The following NUP214 variants were observed in gnomAD, a reference collection of about 807,000 sequenced individuals.
The protein encoded by NUP214 is nucleoporin 214, also known as nuclear pore complex protein Nup214.
A neutral mutation model predicts 196.2 loss-of-function variants in NUP214; 79 were observed. The observed-to-expected ratio is 0.40, with a 90% CI of 0.34 to 0.49. The LOEUF (loss-of-function observed/expected upper bound fraction) is 0.49, where lower values mean the gene tolerates loss of function less well. NUP214 is among the 20% of genes least tolerant of loss of function. NUP214 has a pLI of 0.58. For synonymous variants in NUP214, 1,020 were observed against 990.5 expected, an observed-to-expected ratio of 1.03 and a Z score of -0.56; for missense variants, 2,468 against 2,539.0, an observed-to-expected ratio of 0.97 and a Z score of 0.60.
intron 6 of NUP214, 132 bp from the exon 7 acceptor site, chr9:131,132,974 T>C: frequency 1.4e-6 from 1 of 733,072 alleles, no homozygotes; most frequent in Non-Finnish European, 2.3e-6. Context: ...ACCTGTGCAT[T>C]ATATTTAGTC....
rs775513589 is a variant in NUP214, at chr9:131,139,384, CA to C, written c.1112del (p.Asn371ThrfsTer33). 1 of 1,597,154 alleles carries C rather than the reference CA, an allele frequency of 6.3e-7. No individual in the cohort carries two copies. Among genetic ancestry groups the C allele is most frequent in the African/African-American group, 1.4e-5 (1 of 73,614 alleles). On this transcript the variant is annotated frameshift_variant, in exon 10 of 36. Transcript: ENST00000359428. LOFTEE classifies it high-confidence loss of function. The part of the protein sequence containing the change: ...SLPMGVVVDY[T>X]NQVEITISDE... ...CCCATGGGAGTTGTCGTAGACTATACAAACCAAGTGGAAATCACCATCAGTA... is the reference window on the plus strand; with the variant it reads ...CCCATGGGAGTTGTCGTAGACTATACAACCAAGTGGAAATCACCATCAGTA...
chr9:131,144,202 C>A (rs543561811), intron 11 of NUP214, 78 bp from the exon 12 acceptor site: 1 of 1,156,646 alleles, frequency 8.6e-7, no homozygotes, highest in Admixed American at 2.2e-5. Flanking sequence ...ACCACAAATT[C>A]TTTTTCACTT....
At chr9:131,129,089 A>C (rs766101224) in intron 3 of NUP214, among the ~76,000 whole-genome samples, 190 bp from the exon 4 acceptor site, 1 of 152,210 alleles carries the variant, frequency 6.6e-6, no homozygotes, top group Non-Finnish European at 1.5e-5. Context: ...ATTGATTGCC[A>C]TTTTCAAAGT....
At chr9:131,206,436 G>C (rs1453591789) in intron 30 of NUP214, among the ~76,000 whole-genome samples, 1 of 151,628 alleles carries the variant, frequency 6.6e-6, no homozygotes, top group African/African-American at 2.4e-5. Context: ...ATGAGCCACT[G>C]TGCCCAACCC....
intron 21 of NUP214, among the ~76,000 whole-genome samples, chr9:131,169,958 A>G (rs1832906974): frequency 6.6e-6 from 1 of 152,186 alleles, no homozygotes. Flanking sequence ...AGAGTAGTCA[A>G]AACTATAGAG....
Position 131,197,772 on chromosome 9 carries a change from T to C in NUP214, c.4278T>C (p.Ser1426=), listed in dbSNP as rs988751753. Residue 1426 remains serine (S), a synonymous_variant, in exon 29 of 36, where the codon AGT becomes AGC. Transcript: ENST00000359428. ...VTSAGSSGVI[S]FGGTSLSAGK... ...GTGCAGGATCCTCTGGGGTCATCAG[T>C]TTTGGTGGGACATCTCTAAGTGCTG... 6.2e-7 allele frequency: 1 copy of C among 1,614,180 alleles called. No homozygotes were observed. The highest frequency in any genetic ancestry group is 8.5e-7 in the Non-Finnish European group (1 of 1,180,024).
At chr9:131,163,508 T>C (rs886298008) in intron 19 of NUP214, among the ~76,000 whole-genome samples, 1 of 152,208 alleles carries the variant, frequency 6.6e-6, no homozygotes, top group Non-Finnish European at 1.5e-5. Context: ...TTGACTGACT[T>C]GTTTCTGAAG....
chr9:131,141,843 T>C (rs900585828), intron 11 of NUP214: 1 of 152,208 alleles, frequency 6.6e-6, no homozygotes, highest in African/African-American at 2.4e-5. Flanking sequence ...ATATTTCTCT[T>C]TTTGAATTCT....
intron 30 of NUP214, among the ~76,000 whole-genome samples, chr9:131,202,440 TG>T (rs1243589689): frequency 6.6e-6 from 1 of 152,196 alleles, no homozygotes; most frequent in African/African-American, 2.4e-5. Context: ...TTTTTGTTTT[TG>T]GAGGCAGAGT....
At chr9:131,184,188 A>G (rs1833383252) in intron 24 of NUP214, among the ~76,000 whole-genome samples, 2 of 151,182 alleles carry the variant, frequency 1.3e-5, no homozygotes, top group African/African-American at 4.9e-5. Context: ...GCACCAGCAC[A>G]GCCGGCTAAT....
At chr9:131,212,354 C>G (rs1349425475) in intron 30 of NUP214, among the ~76,000 whole-genome samples, 1 of 152,144 alleles carries the variant, frequency 6.6e-6, no homozygotes, top group Non-Finnish European at 1.5e-5. Flanking sequence ...TTTTATTGCC[C>G]TTGAAGCATG....
At chr9:131,156,915 T>C (rs1832468402) in intron 17 of NUP214, among the ~76,000 whole-genome samples, 1 of 152,204 alleles carries the variant, frequency 6.6e-6, no homozygotes, top group African/African-American at 2.4e-5. Context: ...TTTCCTAGTG[T>C]ATAGCACATT....
chr9:131,184,026 CTTTTTT>C (rs776765956), intron 24 of NUP214, among the ~76,000 whole-genome samples: 1 of 104,360 alleles, frequency 9.6e-6, no homozygotes, highest in Non-Finnish European at 1.9e-5. Flanking sequence ...TTTTCTTTTT[CTTTTTT>C]TTTTTTTTTT....
In NUP214 at chr9:131,176,272, G is replaced by C. The variant is rs1030153232; in HGVS notation, c.3319+651G>C. On this transcript the variant is annotated intron_variant, in intron 23 of 35. Transcript: ENST00000359428. ...AGCAGAACCCAGACTCTAACCCTCT[G>C]CTCTTTTTCAGTTGAGCATTTTTTC... Among the ~76,000 whole-genome samples, 20 of 152,022 alleles carry C rather than the reference G, an allele frequency of 1.3e-4. No homozygotes were observed. In the East Asian group the frequency reaches 2.1e-3, roughly 16 times the overall value.
chr9:131,198,625 C>T lies in NUP214; in HGVS notation c.5131C>T (p.Pro1711Ser), dbSNP rs901901840. The T allele has an allele frequency of 6.2e-7, 1 of 1,614,126 alleles. No homozygotes were observed. Among genetic ancestry groups the T allele is most frequent in the African/African-American group, 1.3e-5 (1 of 74,950 alleles). Reference sequence around the variant, plus strand: ...GGTCAGCAGCTCAGGGTTTAGCAGCCCAGCTTTTGGTACCACAGCCCCAGG... The same window carrying T: ...GGTCAGCAGCTCAGGGTTTAGCAGCTCAGCTTTTGGTACCACAGCCCCAGG... ...PQVSSSGFSS[P>S]AFGTTAPGVF... The change falls in exon 29 of 36, where the codon CCA becomes TCA. Residue 1711 changes from proline to serine, a missense_variant. Pro to Ser is a moderately conservative substitution (Grantham distance 74). Coordinates refer to ENST00000359428, the MANE Select transcript of NUP214 (RefSeq NM_005085.4).
At chr9:131,144,879 T>A in intron 12 of NUP214, 125 bp downstream of exon 12, 1 of 709,284 alleles carries the variant, frequency 1.4e-6, no homozygotes, top group Non-Finnish European at 2.3e-6. Context: ...GAGTGATACT[T>A]GCAAATGGCA....
chr9:131,153,432 T>C (rs1189817862), intron 17 of NUP214: 1 of 152,188 alleles, frequency 6.6e-6, no homozygotes, highest in African/African-American at 2.4e-5. Context: ...CCTCTGGTAT[T>C]CCTGATGCGT....
chr9:131,143,072 T>A (rs548121619), intron 11 of NUP214, among the ~76,000 whole-genome samples: 14 of 152,296 alleles, frequency 9.2e-5, no homozygotes, highest in Admixed American at 6.5e-5. Context: ...AGTGGCAGGA[T>A]CTTGGCTCAC....
chr9:131,141,949 A>G (rs761437566), intron 11 of NUP214, among the ~76,000 whole-genome samples: 11 of 152,266 alleles, frequency 7.2e-5, no homozygotes, highest in Admixed American at 2.6e-4. Flanking sequence ...AAGGTTAGCA[A>G]TAACTTAGGG....
Sources: allele counts gnomAD v4.1 joint callset (sites outside exome capture counted in the v4.1 genomes callset), GRCh38; gene constraint gnomAD v4.1.1; transcripts MANE v1.5; gene names NCBI Gene and HGNC (gene_info 2026-07-23, HGNC 2026-07-21).